Variants in DPYD observed in about 807,000 individuals in gnomAD.
DPYD encodes the protein dihydropyrimidine dehydrogenase, also known as dihydropyrimidine dehydrogenase [NADP(+)].
DPYD carries 109 observed loss-of-function variants against 116.2 expected under a neutral mutation model. That is an observed-to-expected ratio of 0.94 (90% CI 0.80 to 1.10). The LOEUF (loss-of-function observed/expected upper bound fraction) is 1.10. DPYD is among the 50% of genes least tolerant of loss of function. DPYD has a pLI of 0.00. For synonymous variants in DPYD, 440 were observed against 432.0 expected (o/e 1.02, Z -0.23); for missense variants, 1,302 against 1,254.5 (o/e 1.04, Z -0.57).
intron 13 of DPYD, among the ~76,000 whole-genome samples, chr1:97,482,575 T>C (rs1027365174): frequency 6.6e-6 from 1 of 152,230 alleles, no homozygotes; most frequent in Admixed American, 6.5e-5. Flanking sequence ...GATAAAATGA[T>C]ACATCCAGGC....
At chr1:97,855,379 A>C (rs941476341) in intron 2 of DPYD, 2 of 152,196 alleles carry the variant, frequency 1.3e-5, no homozygotes, top group Non-Finnish European at 2.9e-5. Context: ...GGGACAAAGA[A>C]CAGACTACTG....
intron 15 of DPYD, among the ~76,000 whole-genome samples, chr1:97,380,229 T>C (rs12405810): frequency 0.018 from 2,789 of 152,266 alleles, 256 homozygotes; most frequent in Admixed American, 0.13. Context: ...TCATCTTTGT[T>C]TTGGCTAGCC....
intron 5 of DPYD, among the ~76,000 whole-genome samples, chr1:97,718,885 G>T (rs978768336): frequency 1.3e-4 from 20 of 151,016 alleles, no homozygotes; most frequent in African/African-American, 3.9e-4. Context: ...ATTTTCAAGG[G>T]TTATATTTGT....
At chr1:97,184,510 T>C (rs1307332098) in intron 20 of DPYD, among the ~76,000 whole-genome samples, 7 of 152,182 alleles carry the variant, frequency 4.6e-5, no homozygotes, top group Admixed American at 1.3e-4. Context: ...ATTTCTCTAA[T>C]GATCAGTGAC....
At chr1:97,740,520 G>T in intron 3 of DPYD, 41 bp from the exon 4 acceptor site, 1 of 1,520,688 alleles carries the variant, frequency 6.6e-7, no homozygotes, top group Non-Finnish European at 9.1e-7. Context: ...TACAAGATAA[G>T]TGAGATAATC....
intron 14 of DPYD, among the ~76,000 whole-genome samples, chr1:97,445,456 T>C (rs1220883696): frequency 6.6e-6 from 1 of 152,174 alleles, no homozygotes; most frequent in Non-Finnish European, 1.5e-5. Flanking sequence ...ACCTAATATG[T>C]AACTTAAATG....
chr1:97,447,752 G>A (rs773695082), intron 14 of DPYD, among the ~76,000 whole-genome samples: 3 of 151,754 alleles, frequency 2.0e-5, no homozygotes, highest in Non-Finnish European at 2.9e-5. Flanking sequence ...TTTCTTGGTG[G>A]TCATTATTAC....
chr1:97,136,308 A>G (rs1369146733), intron 20 of DPYD, among the ~76,000 whole-genome samples: 1 of 152,124 alleles, frequency 6.6e-6, no homozygotes, highest in Non-Finnish European at 1.5e-5. Flanking sequence ...TGTGCTAAAC[A>G]TGTTTCTTTT....
At chr1:97,137,603 T>C (rs771830886) in intron 20 of DPYD, among the ~76,000 whole-genome samples, 7 of 152,266 alleles carry the variant, frequency 4.6e-5, no homozygotes, top group Non-Finnish European at 1.5e-5. Flanking sequence ...TCTCCATCAG[T>C]TTTTTCATAA....
At chr1:97,896,802 A>C (rs1673093997) in intron 1 of DPYD, among the ~76,000 whole-genome samples, 1 of 151,874 alleles carries the variant, frequency 6.6e-6, no homozygotes, top group African/African-American at 2.4e-5. Flanking sequence ...GGAATCATAC[A>C]ATATGTTGTT....
At chr1:97,806,887 G>T (rs1193125288) in intron 3 of DPYD, among the ~76,000 whole-genome samples, 1 of 151,784 alleles carries the variant, frequency 6.6e-6, no homozygotes, top group Non-Finnish European at 1.5e-5. Flanking sequence ...CCTTTTCCAG[G>T]ATGTCATACA....
chr1:97,394,649 C>T (rs994036759), intron 14 of DPYD, among the ~76,000 whole-genome samples: 1 of 151,972 alleles, frequency 6.6e-6, no homozygotes, highest in Admixed American at 6.6e-5. Flanking sequence ...TGAGTGTATG[C>T]TGTTTGAAAA....
chr1:97,626,056 T>C (rs996301877), intron 8 of DPYD, among the ~76,000 whole-genome samples: 2 of 152,040 alleles, frequency 1.3e-5, no homozygotes, highest in African/African-American at 4.8e-5. Flanking sequence ...CCTACTAGAC[T>C]ATGGGCAAAG....
intron 18 of DPYD, among the ~76,000 whole-genome samples, chr1:97,239,507 C>G (rs1662181806): frequency 6.6e-6 from 1 of 151,880 alleles, no homozygotes; most frequent in African/African-American, 2.4e-5. Context: ...TGTGTCCTAA[C>G]TATATATCTA....
At chr1:97,627,093 C>T (rs191275376) in intron 8 of DPYD, among the ~76,000 whole-genome samples, 292 of 152,052 alleles carry the variant, frequency 1.9e-3, no homozygotes, top group Non-Finnish European at 3.5e-3. Flanking sequence ...GGGCACTAAT[C>T]CAGTTCATGA....
At position 97,573,886 on chromosome 1, in the gene DPYD, C is replaced by A. The variant is rs769306962; in HGVS notation, c.1213G>T (p.Ala405Ser). 6.2e-7 allele frequency: 1 copy of A among 1,613,706 alleles called. No homozygotes were observed. Among genetic ancestry groups the A allele is most frequent in the Non-Finnish European group, 8.5e-7 (1 of 1,179,714 alleles). Residue 405 changes from alanine to serine, a missense_variant, in exon 11 of 23, where the codon GCT (alanine) becomes TCT (serine). Physicochemically the swap from Ala to Ser is moderately conservative, Grantham distance 99. Transcript: ENST00000370192. ...KVIVKGGRIV[A>S]MQFVRTEQDE... ...TGCTCTGTCCGAACAAACTGCATAG[C>A]AACAATTCTCCCACCTTTTACTATA...
At chr1:97,361,454 T>C (rs949069422) in intron 16 of DPYD, among the ~76,000 whole-genome samples, 4 of 152,230 alleles carry the variant, frequency 2.6e-5, no homozygotes, top group African/African-American at 9.6e-5. Flanking sequence ...ACTCATCTTA[T>C]GAGGCCAGCA....
At chr1:97,827,066 C>T (rs1279775574) in intron 3 of DPYD, among the ~76,000 whole-genome samples, 5 of 151,964 alleles carry the variant, frequency 3.3e-5, no homozygotes, top group Admixed American at 3.3e-4. Flanking sequence ...AATTTAATTA[C>T]TTTCTCCTGC....
At chr1:97,466,665 T>C (rs1677340164) in intron 13 of DPYD, among the ~76,000 whole-genome samples, 2 of 152,080 alleles carry the variant, frequency 1.3e-5, no homozygotes, top group Admixed American at 1.3e-4. Flanking sequence ...TTTGAAATAT[T>C]TGGGGCTAAA....
Sources: allele counts gnomAD v4.1 joint callset (sites outside exome capture counted in the v4.1 genomes callset), GRCh38; gene constraint gnomAD v4.1.1; transcripts MANE v1.5; gene names NCBI Gene and HGNC (gene_info 2026-07-23, HGNC 2026-07-21).